Variants in NAPG observed in about 807,000 individuals in gnomAD.
The protein encoded by NAPG is gamma-soluble NSF attachment protein.
In NAPG, 25 loss-of-function variants were observed where a neutral mutation model predicts 48.4. The observed-to-expected ratio is 0.52, with a 90% CI of 0.38 to 0.72. NAPG has a LOEUF of 0.72. Ranked by LOEUF, NAPG falls within the 30% of genes least tolerant of loss-of-function variation. The probability of loss-of-function intolerance (pLI) is 0.00; values close to 1 mark genes in which losing one functional copy is unlikely to be tolerated. For missense variants in NAPG, 359 were observed against 372.5 expected, an observed-to-expected ratio of 0.96 and a Z score of 0.30; for synonymous variants, 139 against 127.2, an observed-to-expected ratio of 1.09 and a Z score of -0.62.
chr18:10,526,230 CG>C (rs1366176971), intron 1 of NAPG, 72 bp downstream of exon 1: 95 of 382,412 alleles, frequency 2.5e-4, no homozygotes, highest in East Asian at 4.9e-4. Flanking sequence ...CCTTAGCACC[CG>C]GGGGGGGCGG....
chr18:10,543,135 C>CAA lies in NAPG; in HGVS notation c.506+2750_506+2751dup, dbSNP rs199992167. 4.7e-5 allele frequency among the ~76,000 whole-genome samples: 5 copies of CAA among 106,416 alleles called. No individual in the cohort carries two copies. Among genetic ancestry groups the CAA allele is most frequent in the Non-Finnish European group, 1.0e-4 (5 of 50,232 alleles). The allele number at this position is 106,416 out of a possible 152,430, so 69.8% of individuals were successfully genotyped here. On this transcript the variant is annotated intron_variant, in intron 8 of 11. Transcript: ENST00000322897. This position sits in a 1 kb window ranked among gnomAD's most constrained non-coding sequence, Gnocchi z 4.4. The stretch of plus-strand genomic sequence containing the variant: ...ACAGGTTGCAGTGAGACTCCCATCT[C>CAA]AAAAAAAAAAAAAAAGAAAAGAAAA...
At chr18:10,526,209 C>G (rs2031804127) in intron 1 of NAPG, 51 bp downstream of exon 1, 4 of 1,398,290 alleles carry the variant, frequency 2.9e-6, no homozygotes. Context: ...GTCCGTCTCT[C>G]ACTGGCGCGG....
intron 1 of NAPG, among the ~76,000 whole-genome samples, chr18:10,528,477 G>A (rs1313788544): frequency 6.6e-6 from 1 of 152,216 alleles, no homozygotes; most frequent in African/African-American, 2.4e-5. Context: ...TGCTCAGGAT[G>A]TGGGGAATGG....
intron 5 of NAPG, among the ~76,000 whole-genome samples, chr18:10,535,558 C>G (rs987469999): frequency 2.0e-5 from 3 of 152,096 alleles, no homozygotes; most frequent in African/African-American, 7.2e-5. Context: ...ATCAGGAGTT[C>G]GAGACCAGCC....
In NAPG at chr18:10,548,854, T is replaced by G. The variant is rs996958597; in HGVS notation, c.666-113T>G. 4 of 1,363,330 alleles carry G rather than the reference T, an allele frequency of 2.9e-6. No individual in the cohort carries two copies. In the African/African-American group the frequency reaches 5.8e-5, roughly 20 times the overall value. The allele number at this position is 1,363,330 out of a possible 1,614,324, so 84.5% of individuals were successfully genotyped here. A position where few individuals can be genotyped will look rare whatever the true frequency, so the allele number is the denominator to read the frequency against. On this transcript the variant is annotated intron_variant, in intron 10 of 11. Transcript: ENST00000322897. The surrounding 1 kb of genome is among the most constrained non-coding windows in gnomAD (Gnocchi z 4.4). ...AGATGCCACTAGCATTCCCACACTT[T>G]TAAGTACCAAAATGTCTCCAGACAG... is the stretch of plus-strand genomic sequence containing the variant.
At chr18:10,535,709 C>T (rs1305654256) in intron 5 of NAPG, among the ~76,000 whole-genome samples, 2 of 152,110 alleles carry the variant, frequency 1.3e-5, no homozygotes, top group Admixed American at 6.5e-5. Flanking sequence ...TGCAGTGAGC[C>T]GAGATCGTGC....
chr18:10,543,889 C>A lies in NAPG; in HGVS notation c.507-2437C>A, dbSNP rs573279791. ...TAATTTCATGGCCTTTTAGCAAAGT[C>A]GATCAACTTTTTCGACTACAAACTC... On this transcript the variant is annotated intron_variant, in intron 8 of 11. Transcript: ENST00000322897. The surrounding 1 kb of genome is among the most constrained non-coding windows in gnomAD (Gnocchi z 4.4). Among the ~76,000 whole-genome samples, 2 of 152,068 alleles carry A rather than the reference C, an allele frequency of 1.3e-5. No homozygotes were observed. Among genetic ancestry groups the A allele is most frequent in the Non-Finnish European group, 2.9e-5 (2 of 68,028 alleles).
rs1274980444 is a variant in NAPG at position 10,551,859 on chromosome 18, TC to T, written c.*1641del. Reference sequence around the variant, plus strand: ...ATGCTAATAAATTTAATGTTTTTCTTCCTTAATTTATTGGCATAGTTCTTCA... The same window carrying T: ...ATGCTAATAAATTTAATGTTTTTCTTCTTAATTTATTGGCATAGTTCTTCA... On this transcript the variant is annotated 3_prime_UTR_variant, in exon 12 of 12. Coordinates refer to ENST00000322897, the MANE Select transcript of NAPG (RefSeq NM_003826.3). The T allele has an allele frequency of 3.9e-5, 6 of 152,234 alleles. No individual in the cohort carries two copies. Among genetic ancestry groups the T allele is most frequent in the Admixed American group, 1.3e-4 (2 of 15,290 alleles). 9.4% of individuals were successfully genotyped at this position (152,234 alleles called of 1,614,324 possible). A position where few individuals can be genotyped will look rare whatever the true frequency, so the allele number is the denominator to read the frequency against.
intron 5 of NAPG, among the ~76,000 whole-genome samples, chr18:10,537,280 A>G (rs534290402): frequency 7.2e-5 from 11 of 152,322 alleles, no homozygotes; most frequent in African/African-American, 2.6e-4. Flanking sequence ...CTTATAAATA[A>G]TATAAACAGT....
rs545043862 is a variant in NAPG at position 10,540,019 on chromosome 18, G to A, written c.400G>A (p.Val134Ile). The A allele has an allele frequency of 6.0e-5, 96 of 1,596,222 alleles. No homozygotes were observed. The South Asian group carries it at 1.0e-3, about 17-fold the overall frequency. Residue 134 changes from valine (V) to isoleucine (I), a missense_variant, in exon 7 of 12, where the codon GTA becomes ATA. By Grantham distance (29) the Val-to-Ile change is conservative. Transcript: ENST00000322897. ...LIENVDPEKAVQLYQQTANVF... is the reference protein window; with the variant it reads ...LIENVDPEKAIQLYQQTANVF... ...AGAAAATGTTGATCCAGAGAAGGCT[G>A]TACAGTTATATCAACAGACAGCTAA...
At chr18:10,526,199 G>C (rs753143574) in intron 1 of NAPG, 41 bp downstream of exon 1, 4 of 1,551,572 alleles carry the variant, frequency 2.6e-6, no homozygotes, top group African/African-American at 1.4e-5. Context: ...TAGACGCCGG[G>C]TCCGTCTCTC....
chr18:10,546,833 A>G lies in NAPG; in HGVS notation c.585+429A>G, dbSNP rs192624056. ...AAGAAACCCCGCCTTTCTAACCAGCAATGGGAGAAGAGGTCCCATTGTTTT... is the reference window on the plus strand; with the variant it reads ...AAGAAACCCCGCCTTTCTAACCAGCGATGGGAGAAGAGGTCCCATTGTTTT... On this transcript the variant is annotated intron_variant, in intron 9 of 11. Coordinates refer to ENST00000322897, the MANE Select transcript of NAPG (RefSeq NM_003826.3). The surrounding 1 kb of genome is among the most constrained non-coding windows in gnomAD (Gnocchi z 4.0). Among the ~76,000 whole-genome samples the G allele has an allele frequency of 9.8e-5, 15 of 152,318 alleles. No individual in the cohort carries two copies. The East Asian group carries it at 2.9e-3, about 29-fold the overall frequency.
At chr18:10,527,138 AGATCGCGC>A (rs1489023640) in intron 1 of NAPG, among the ~76,000 whole-genome samples, 13 of 148,820 alleles carry the variant, frequency 8.7e-5, no homozygotes, top group Non-Finnish European at 1.8e-4. Flanking sequence ...CAGTGAGCCG[AGATCGCGC>A]CACTGCACTC....
intron 2 of NAPG, 59 bp from the exon 3 acceptor site, chr18:10,532,652 G>A (rs1598409445): frequency 1.5e-6 from 2 of 1,307,688 alleles, no homozygotes. Flanking sequence ...GCAGATTTCA[G>A]TAATGATTCA....
intron 1 of NAPG, 80 bp downstream of exon 1, chr18:10,526,238 G>GGGCCTTTCCCC: frequency 1.2e-6 from 1 of 858,074 alleles, no homozygotes; most frequent in Non-Finnish European, 1.9e-6. Context: ...CCCGGGGGGG[G>GGGCCTTTCCCC]CGGGAGGGAG....
rs1421695479 is a variant in NAPG, at chr18:10,550,236, A to G, written c.*16A>G. 1 of 1,564,668 alleles carries G rather than the reference A, an allele frequency of 6.4e-7. No homozygotes were observed. Among genetic ancestry groups the G allele is most frequent in the East Asian group, 2.5e-5 (1 of 40,004 alleles). ...ACTATGCTAGTATTTTGCTTGCTGA[A>G]AAGAAAAGGGAAACAAAGGTAAAAT... On this transcript the variant is annotated 3_prime_UTR_variant, in exon 12 of 12. Transcript: ENST00000322897.
At position 10,532,661 on chromosome 18, in the gene NAPG, CATTT is replaced by C. The variant is rs1451814341; in HGVS notation, c.125-49_125-46del. 36 of 1,379,814 alleles carry C rather than the reference CATTT, an allele frequency of 2.6e-5. No individual in the cohort carries two copies. The Admixed American group carries it at 7.2e-4, about 28-fold the overall frequency. 85.5% of individuals were successfully genotyped at this position (1,379,814 alleles called of 1,614,324 possible). ...TAAAATGCAGATTTCAGTAATGATTCATTTGAGGTTTTTAATGATGGAAATAGTC... is the reference window on the plus strand; with the variant it reads ...TAAAATGCAGATTTCAGTAATGATTCGAGGTTTTTAATGATGGAAATAGTC... On this transcript the variant is annotated intron_variant, in intron 2 of 11. Coordinates refer to ENST00000322897, the MANE Select transcript of NAPG (RefSeq NM_003826.3).
chr18:10,541,187 T>A (rs958059149), intron 8 of NAPG, among the ~76,000 whole-genome samples: 7 of 152,230 alleles, frequency 4.6e-5, no homozygotes, highest in African/African-American at 9.6e-5. Context: ...TAGAGTAATA[T>A]GAGAATAAAT....
intron 3 of NAPG, 85 bp from the exon 4 acceptor site, chr18:10,533,451 G>T: frequency 8.0e-7 from 1 of 1,256,398 alleles, no homozygotes; most frequent in African/African-American, 1.5e-5. Context: ...CAGTGATTTA[G>T]TTAACTGTCT....
Sources: gnomAD v4.1 joint callset for allele counts (sites outside exome capture counted in the v4.1 genomes callset) on GRCh38, gnomAD v4.1.1 for gene constraint, Gnocchi (gnomAD v3.1) non-coding constraint, MANE v1.5 for transcripts, NCBI Gene and HGNC (gene_info 2026-07-23, HGNC 2026-07-21) for gene names.